Variants in GAD2 observed in about 807,000 individuals in gnomAD.
GAD2 encodes the protein 65 kDa glutamic acid decarboxylase.
In GAD2, 22 loss-of-function variants were observed where a neutral mutation model predicts 80.1. The observed-to-expected ratio is 0.27, with a 90% CI of 0.20 to 0.39. The LOEUF (loss-of-function observed/expected upper bound fraction) is 0.39, where lower values mean the gene tolerates loss of function less well. Ranked by LOEUF, GAD2 falls within the 10% of genes least tolerant of loss-of-function variation. The pLI is 1.00. For missense variants in GAD2, 624 were observed against 738.4 expected, an observed-to-expected ratio of 0.85 and a Z score of 1.80; for synonymous variants, 274 against 256.9, an observed-to-expected ratio of 1.07 and a Z score of -0.64.
chr10:26,251,402 C>T (rs1165096914), intron 8 of GAD2, among the ~76,000 whole-genome samples: 1 of 152,144 alleles, frequency 6.6e-6, no homozygotes, highest in African/African-American at 2.4e-5. Context: ...TGGGCAAATG[C>T]CTCTCTGTGC....
intron 8 of GAD2, among the ~76,000 whole-genome samples, chr10:26,265,889 G>A (rs895827347): frequency 1.3e-5 from 2 of 152,164 alleles, no homozygotes; most frequent in African/African-American, 2.4e-5. Flanking sequence ...GCAACATATG[G>A]GCAGTCAGAG....
rs559643407 is a variant in GAD2, at chr10:26,276,012, T to G, written c.1157+2312T>G. Reference sequence around the variant, plus strand: ...CAAAAAGAATTTGTTTTTTTTAAATTAGCCAGGCATGGTGGTACTCATGGC... The same window carrying G: ...CAAAAAGAATTTGTTTTTTTTAAATGAGCCAGGCATGGTGGTACTCATGGC... On this transcript the variant is annotated intron_variant, in intron 11 of 15. Coordinates refer to ENST00000376261, the MANE Select transcript of GAD2 (RefSeq NM_001134366.2). Among the ~76,000 whole-genome samples, 8 of 151,966 alleles carry G rather than the reference T, an allele frequency of 5.3e-5. No homozygotes were observed. The East Asian group carries it at 1.6e-3, about 29-fold the overall frequency.
chr10:26,268,252 A>G (rs1359553087), intron 8 of GAD2, among the ~76,000 whole-genome samples: 5 of 152,154 alleles, frequency 3.3e-5, no homozygotes, highest in African/African-American at 1.2e-4. Context: ...GCAGATCACA[A>G]GGTCAGGAGA....
chr10:26,292,638 T>C, intron 14 of GAD2, 66 bp downstream of exon 14: 4 of 1,190,966 alleles, frequency 3.4e-6, no homozygotes, highest in South Asian at 2.6e-5. Context: ...ACTGATATGA[T>C]GTAAATGATG....
chr10:26,259,240 C>A (rs1469241733), intron 8 of GAD2, among the ~76,000 whole-genome samples: 1 of 152,224 alleles, frequency 6.6e-6, no homozygotes, highest in Non-Finnish European at 1.5e-5. Context: ...TGCTGGATCA[C>A]ATGGTAATTC....
At chr10:26,220,874 G>A (rs1844444876) in intron 4 of GAD2, among the ~76,000 whole-genome samples, 4 of 152,310 alleles carry the variant, frequency 2.6e-5, no homozygotes, top group Middle Eastern at 3.4e-3. Flanking sequence ...GTCTATCAAC[G>A]TTGCATTTAG....
At chr10:26,224,510 G>T in intron 5 of GAD2, 29 bp from the exon 6 acceptor site, 1 of 1,255,616 alleles carries the variant, frequency 8.0e-7, no homozygotes, top group Non-Finnish European at 1.2e-6. Context: ...GAGTTACAGA[G>T]GTAAAATGTG....
intron 11 of GAD2, among the ~76,000 whole-genome samples, chr10:26,280,036 G>T (rs1472253309): frequency 1.3e-5 from 2 of 152,212 alleles, no homozygotes; most frequent in Non-Finnish European, 2.9e-5. Flanking sequence ...GGAGGCAGCT[G>T]CCCTCACTGG....
chr10:26,276,320 A>G, intron 11 of GAD2, among the ~76,000 whole-genome samples: 1 of 152,134 alleles, frequency 6.6e-6, no homozygotes, highest in South Asian at 2.1e-4. Flanking sequence ...CTGAGAGGGC[A>G]CGCCACAAAC....
At chr10:26,218,535 G>GCTCTCTCTCT (rs143813747) in intron 3 of GAD2, among the ~76,000 whole-genome samples, 105 of 128,036 alleles carry the variant, frequency 8.2e-4, no homozygotes, top group African/African-American at 3.1e-3. Flanking sequence ...ACATGCATAC[G>GCTCTCTCTCT]CTCTCTCTCT....
At chr10:26,236,169 A>C (rs1844668962) in intron 7 of GAD2, among the ~76,000 whole-genome samples, 1 of 152,184 alleles carries the variant, frequency 6.6e-6, no homozygotes, top group Non-Finnish European at 1.5e-5. Flanking sequence ...GCTGGAGTAC[A>C]GTGGCACGAT....
intron 7 of GAD2, among the ~76,000 whole-genome samples, chr10:26,245,153 CAAA>C (rs1229625147): frequency 1.1e-4 from 6 of 52,316 alleles, no homozygotes; most frequent in Admixed American, 2.4e-4. Flanking sequence ...AACTCTGTCT[CAAA>C]AAAAAAAAAA....
chr10:26,286,543 T>G, intron 13 of GAD2, 49 bp downstream of exon 13: 1 of 1,532,914 alleles, frequency 6.5e-7, no homozygotes, highest in East Asian at 2.4e-5. Context: ...AGAACCTTTA[T>G]CTGGTGACCC....
chr10:26,272,287 G>A (rs1479328878), intron 10 of GAD2, among the ~76,000 whole-genome samples: 2 of 152,172 alleles, frequency 1.3e-5, no homozygotes, highest in Non-Finnish European at 2.9e-5. Context: ...CCTCAGGACT[G>A]GAAATCCTGG....
chr10:26,251,171 T>C (rs1474845586), intron 8 of GAD2, among the ~76,000 whole-genome samples: 1 of 151,994 alleles, frequency 6.6e-6, no homozygotes, highest in African/African-American at 2.4e-5. Flanking sequence ...GTGCTAGGAT[T>C]ATAGGCGTGC....
intron 11 of GAD2, among the ~76,000 whole-genome samples, chr10:26,280,602 G>A (rs372869055): frequency 4.6e-5 from 7 of 152,064 alleles, no homozygotes; most frequent in African/African-American, 1.2e-4. Context: ...CAGGTTTCCC[G>A]TAAGCCGTTC....
chr10:26,242,397 C>G (rs577802125), intron 7 of GAD2, among the ~76,000 whole-genome samples: 66 of 152,274 alleles, frequency 4.3e-4, no homozygotes, highest in African/African-American at 1.5e-3. Context: ...CTCTTTTCCT[C>G]TGGTTCATCA....
intron 11 of GAD2, among the ~76,000 whole-genome samples, chr10:26,278,684 T>C (rs1845238890): frequency 6.6e-6 from 1 of 152,144 alleles, no homozygotes; most frequent in Non-Finnish European, 1.5e-5. Flanking sequence ...TTAAGTCCTT[T>C]AGTCTTCTCT....
chr10:26,292,501 T>C lies in GAD2; in HGVS notation c.1423T>C (p.Leu475=). The change falls in exon 14 of 16, where the codon TTG becomes CTG. Residue 475 remains leucine (L), a synonymous_variant. Transcript: ENST00000376261. The stretch of plus-strand genomic sequence containing the variant: ...GTTTGAAGCGCATGTTGATAAATGT[T>C]TGGAGTTGGCAGAGTATTTATACAA... ...TGFEAHVDKC[L]ELAEYLYNII... is the part of the protein sequence containing the mutation. 1 of 1,614,100 alleles carries C rather than the reference T, an allele frequency of 6.2e-7. No homozygotes were observed. Among genetic ancestry groups the C allele is most frequent in the Non-Finnish European group, 8.5e-7 (1 of 1,179,974 alleles).
Sources: allele counts gnomAD v4.1 joint callset (sites outside exome capture counted in the v4.1 genomes callset), GRCh38; gene constraint gnomAD v4.1.1; transcripts MANE v1.5; gene names NCBI Gene and HGNC (gene_info 2026-07-23, HGNC 2026-07-21).